P3H4: variants seen among roughly 807,000 people sequenced by gnomAD.
P3H4 encodes endoplasmic reticulum protein SC65.
Under a neutral mutation model 52.9 loss-of-function variants are expected in P3H4, and 47 were observed. The ratio of observed to expected loss-of-function variants is 0.89; its 90% CI spans 0.70 to 1.13. P3H4 has a LOEUF of 1.13. P3H4 is among the 50% of genes most tolerant of loss of function. P3H4 has a pLI of 0.00. For missense variants in P3H4, 585 were observed against 611.0 expected (o/e 0.96, Z 0.45); for synonymous variants, 256 against 267.9 (o/e 0.96, Z 0.44).
chr17:41,802,003 C>G lies in P3H4; in HGVS notation c.*954G>C, dbSNP rs1282062162. 1 of 152,480 alleles carries G rather than the reference C, an allele frequency of 6.6e-6. No individual in the cohort carries two copies. Among genetic ancestry groups the G allele is most frequent in the East Asian group, 1.9e-4 (1 of 5,192 alleles). The allele number at this position is 152,480 out of a possible 1,614,324, so 9.4% of individuals were successfully genotyped here. Reference sequence around the variant, plus strand: ...GCACCTACTGGTCAGGGCCCTGGAACCACTAGACTCTTAGTCCAGTGCTCT... The same window carrying G: ...GCACCTACTGGTCAGGGCCCTGGAAGCACTAGACTCTTAGTCCAGTGCTCT... On this transcript the variant is annotated 3_prime_UTR_variant, in exon 8 of 8. Transcript: ENST00000393928.
chr17:41,811,572 CA>C lies in P3H4; in HGVS notation c.343del (p.Cys115AlafsTer63). ...CAGCGTCCGCTTGCAGCGCCGCAGG[CA>C]GGCGGCTCGCTCCAGGACGCGGCCG... ...LFGRVLERAA[C>X]LRRCKRTLPA... is the part of the protein sequence containing the mutation. On this transcript the variant is annotated frameshift_variant, in exon 1 of 8. Coordinates refer to ENST00000393928, the MANE Select transcript of P3H4 (RefSeq NM_006455.3). LOFTEE classifies it high-confidence loss of function. This position sits in a 1 kb window ranked among gnomAD's most constrained non-coding sequence, Gnocchi z 4.8. The C allele has an allele frequency of 6.2e-7, 1 of 1,603,200 alleles. No homozygotes were observed. The highest frequency in any genetic ancestry group is 8.5e-7 in the Non-Finnish European group (1 of 1,176,404).
intron 3 of P3H4, 71 bp downstream of exon 3, chr17:41,810,792 T>C (rs2047721798): frequency 1.3e-6 from 2 of 1,532,038 alleles, no homozygotes. Context: ...TCCACGTGCA[T>C]GAAGGGGACA....
chr17:41,808,248 T>C (rs2047695078), intron 4 of P3H4, among the ~76,000 whole-genome samples: 1 of 152,156 alleles, frequency 6.6e-6, no homozygotes, highest in Admixed American at 6.5e-5. Context: ...AGGGTCTCAC[T>C]CTATCACCCT....
rs1555615337 is a variant in P3H4, at chr17:41,811,917, C to T, written c.-2G>A. 2.0e-6 allele frequency: 3 copies of T among 1,503,710 alleles called. No homozygotes were observed. In the East Asian group the frequency reaches 8.4e-5, roughly 42 times the overall value. 93.1% of individuals were successfully genotyped at this position (1,503,710 alleles called of 1,614,324 possible). A position where few individuals can be genotyped will look rare whatever the true frequency, so the allele number is the denominator to read the frequency against. The stretch of plus-strand genomic sequence containing the variant: ...CAGCCCCCACGCCACCCGAGCCATG[C>T]CCGCCGCGCCGCCGGCTCTCCGGAG... On this transcript the variant is annotated 5_prime_UTR_variant, in exon 1 of 8. Transcript: ENST00000393928. This position sits in a 1 kb window ranked among gnomAD's most constrained non-coding sequence, Gnocchi z 4.8.
At position 41,802,565 on chromosome 17, in the gene P3H4, T is replaced by G. The variant is rs1567846586; in HGVS notation, c.*392A>C. On this transcript the variant is annotated 3_prime_UTR_variant, in exon 8 of 8. Coordinates refer to ENST00000393928, the MANE Select transcript of P3H4 (RefSeq NM_006455.3). ...CACCGTGCCGGCCCGTCTTGTTTTTTTTTAAAGATGGAGTCTCGCTCTGTC... is the reference window on the plus strand; with the variant it reads ...CACCGTGCCGGCCCGTCTTGTTTTTGTTTAAAGATGGAGTCTCGCTCTGTC... 4.7e-6 allele frequency: 1 copy of G among 214,198 alleles called. No homozygotes were observed. Among genetic ancestry groups the G allele is most frequent in the Admixed American group, 6.4e-5 (1 of 15,634 alleles). 13.3% of individuals were successfully genotyped at this position (214,198 alleles called of 1,614,324 possible). A position where few individuals can be genotyped will look rare whatever the true frequency, so the allele number is the denominator to read the frequency against.
chr17:41,811,210 G>C lies in P3H4; in HGVS notation c.537C>G (p.Ala179=). The C allele has an allele frequency of 6.2e-7, 1 of 1,614,164 alleles. No homozygotes were observed. The highest frequency in any genetic ancestry group is 8.5e-7 in the Non-Finnish European group (1 of 1,180,036). The part of the protein sequence containing the change: ...LQRNPKHELT[A]KYLNYYQGML... ...TCCCCTGATAGTAGTTGAGATACTT[G>C]GCGGTCAGCTCGTGCTTCGGGTTCC... is the stretch of plus-strand genomic sequence containing the variant. Residue 179 remains alanine (A), a synonymous_variant, in exon 2 of 8, where the codon GCC becomes GCG. Coordinates refer to ENST00000393928, the MANE Select transcript of P3H4 (RefSeq NM_006455.3). This position sits in a 1 kb window ranked among gnomAD's most constrained non-coding sequence, Gnocchi z 4.8.
At position 41,811,661 on chromosome 17, in the gene P3H4, G is replaced by A. The variant is rs1555615217; in HGVS notation, c.255C>T (p.Pro85=). The A allele has an allele frequency of 7.0e-7, 1 of 1,427,936 alleles. No individual in the cohort carries two copies. Among genetic ancestry groups the A allele is most frequent in the Non-Finnish European group, 9.1e-7 (1 of 1,102,418 alleles). 88.5% of individuals were successfully genotyped at this position (1,427,936 alleles called of 1,614,324 possible). Residue 85 remains proline (P), a synonymous_variant, in exon 1 of 8, where the codon CCC becomes CCT. Transcript: ENST00000393928. This position sits in a 1 kb window ranked among gnomAD's most constrained non-coding sequence, Gnocchi z 4.8. ...FCHANCSGPA[P]AAKPDPDGGR... The stretch of plus-strand genomic sequence containing the variant: ...CGCCGTCGGGATCGGGCTTGGCCGC[G>A]GGCGCGGGGCCGCTGCAGTTGGCGT...
In P3H4 at chr17:41,802,960, T is replaced by G. The variant is rs782366640; in HGVS notation, c.1311A>C (p.Ala437=). 6 of 1,611,850 alleles carry G rather than the reference T, an allele frequency of 3.7e-6. No individual in the cohort carries two copies. Among genetic ancestry groups the G allele is most frequent in the Non-Finnish European group, 5.1e-6 (6 of 1,179,278 alleles). Residue 437 remains alanine (A), a synonymous_variant, in exon 8 of 8, where the codon GCA becomes GCC. Transcript: ENST00000393928. ...AGCGGTGTGGGGTGTCCCCTTCTCA[T>G]GCGAGTTCAGGCTCTGGCTCTGAAA... ...EAEAEPEPEL[A]
In P3H4 at chr17:41,803,369, A is replaced by G. The variant is rs1555613765; in HGVS notation, c.1209T>C (p.Phe403=). Residue 403 remains phenylalanine, a synonymous_variant, in exon 7 of 8, where the codon TTT becomes TTC. Coordinates refer to ENST00000393928, the MANE Select transcript of P3H4 (RefSeq NM_006455.3). ...EPEDALSDAE[F]EGEGDYEEGM... is the part of the protein sequence containing the mutation. ...CCTCCTCGTAGTCACCCTCCCCCTC[A>G]AACTCGGCGTCAGATAGGGCATCCT... 5.0e-6 allele frequency: 8 copies of G among 1,612,546 alleles called. No homozygotes were observed. The South Asian group carries it at 7.7e-5, about 16-fold the overall frequency.
chr17:41,810,741 C>A (rs962979253), intron 3 of P3H4, 122 bp downstream of exon 3: 222 of 1,263,284 alleles, frequency 1.8e-4, no homozygotes, highest in Non-Finnish European at 2.3e-4. Context: ...TCTCAACAGA[C>A]AAGGCCTTCC....
chr17:41,810,694 G>T, intron 3 of P3H4, 169 bp downstream of exon 3: 1 of 735,668 alleles, frequency 1.4e-6, no homozygotes, highest in East Asian at 2.8e-5. Flanking sequence ...CCAGCCCCTT[G>T]GACACTCCCA....
At chr17:41,806,210 C>T (rs1318148884) in intron 6 of P3H4, among the ~76,000 whole-genome samples, 2 of 151,350 alleles carry the variant, frequency 1.3e-5, no homozygotes, top group African/African-American at 2.4e-5. Context: ...CAGAGCGAGA[C>T]TCCATCTCAA....
At chr17:41,806,961 G>T in intron 5 of P3H4, 82 bp from the exon 6 acceptor site, 1 of 983,888 alleles carries the variant, frequency 1.0e-6, no homozygotes, top group Non-Finnish European at 1.6e-6. Flanking sequence ...TAGGATCTGG[G>T]CCCACTGGCC....
Position 41,811,108 on chromosome 17 carries a change from C to G in P3H4, c.615+24G>C. On this transcript the variant is annotated intron_variant, in intron 2 of 7. Coordinates refer to ENST00000393928, the MANE Select transcript of P3H4 (RefSeq NM_006455.3). The surrounding 1 kb of genome is among the most constrained non-coding windows in gnomAD (Gnocchi z 4.8). Reference sequence around the variant, plus strand: ...TCCTCTACTAGCCCTCCTCTACAAGCCTCCTCCTGACCCTCCACCCCACCT... The same window carrying G: ...TCCTCTACTAGCCCTCCTCTACAAGGCTCCTCCTGACCCTCCACCCCACCT... 6.2e-7 allele frequency: 1 copy of G among 1,613,688 alleles called. No individual in the cohort carries two copies. The highest frequency in any genetic ancestry group is 8.5e-7 in the Non-Finnish European group (1 of 1,179,674).
chr17:41,806,563 C>A (rs185520542), intron 6 of P3H4, among the ~76,000 whole-genome samples: 8 of 152,282 alleles, frequency 5.3e-5, no homozygotes, highest in African/African-American at 1.7e-4. Context: ...GGAGGAGGCA[C>A]CATGTGAGCT....
In P3H4 at chr17:41,802,996, A is replaced by G. The variant is rs1555613708; in HGVS notation, c.1292-17T>C. ...GCTCTGGCTCTGAAAAGGAAAGGAGAAAGCACTGGGGTTGCTCCCCCACCC... is the reference window on the plus strand; with the variant it reads ...GCTCTGGCTCTGAAAAGGAAAGGAGGAAGCACTGGGGTTGCTCCCCCACCC... On this transcript the variant is annotated splice_polypyrimidine_tract_variant and intron_variant, in intron 7 of 7. Coordinates refer to ENST00000393928, the MANE Select transcript of P3H4 (RefSeq NM_006455.3). 2 of 1,609,988 alleles carry G rather than the reference A, an allele frequency of 1.2e-6. No individual in the cohort carries two copies. Among genetic ancestry groups the G allele is most frequent in the East Asian group, 4.5e-5 (2 of 44,750 alleles).
rs782426618 is a variant in P3H4 at position 41,811,857 on chromosome 17, T to C, written c.59A>G (p.Tyr20Cys). 15 of 1,545,596 alleles carry C rather than the reference T, an allele frequency of 9.7e-6. No homozygotes were observed. The African/African-American group carries it at 2.1e-4, about 22-fold the overall frequency. The change falls in exon 1 of 8, where the codon TAC becomes TGC. Residue 20 changes from tyrosine (Y) to cysteine (C), a missense_variant. Physicochemically the swap from Tyr to Cys is radical, Grantham distance 194 (BLOSUM62 -2). Coordinates refer to ENST00000393928, the MANE Select transcript of P3H4 (RefSeq NM_006455.3). This position sits in a 1 kb window ranked among gnomAD's most constrained non-coding sequence, Gnocchi z 4.8. Reference protein sequence around the residue: ...WLLLGSAGAQYEKYSFRGFPP... With the variant: ...WLLLGSAGAQCEKYSFRGFPP... The stretch of plus-strand genomic sequence containing the variant: ...GAAGCCCCGGAAGCTGTACTTCTCG[T>C]ACTGCGCCCCGGCGCTGCCCAGCAG...
At chr17:41,806,940 G>T (rs1276133828) in intron 5 of P3H4, 61 bp from the exon 6 acceptor site, 3 of 1,348,728 alleles carry the variant, frequency 2.2e-6, no homozygotes, top group South Asian at 1.2e-5. Context: ...ATGGCAAGAA[G>T]CCAGGGCTCC....
chr17:41,809,887 C>T (rs2047711437), intron 3 of P3H4, 53 bp from the exon 4 acceptor site: 14 of 1,584,826 alleles, frequency 8.8e-6, no homozygotes, highest in East Asian at 2.3e-5. Flanking sequence ...ACATCTCCGT[C>T]CCCCCAGTGG....
Sources: allele counts gnomAD v4.1 joint callset (sites outside exome capture counted in the v4.1 genomes callset), GRCh38; gene constraint gnomAD v4.1.1; non-coding constraint Gnocchi (gnomAD v3.1); transcripts MANE v1.5; gene names NCBI Gene and HGNC (gene_info 2026-07-23, HGNC 2026-07-21).